Variants in KIAA1217 observed in about 807,000 individuals in gnomAD.
KIAA1217 encodes KIAA1217, also known as sickle tail protein homolog.
Under a neutral mutation model 163.9 loss-of-function variants are expected in KIAA1217, and 88 were observed. That is an observed-to-expected ratio of 0.54 (90% CI 0.45 to 0.64). The LOEUF is 0.64. KIAA1217 is among the 30% of genes least tolerant of loss of function. The pLI is 0.00. For synonymous variants in KIAA1217, 903 were observed against 923.1 expected (o/e 0.98, Z 0.39); for missense variants, 2,372 against 2,475.0 (o/e 0.96, Z 0.88).
chr10:23,698,965 A>T (rs1474398726), intron 1 of KIAA1217, among the ~76,000 whole-genome samples: 1 of 152,184 alleles, frequency 6.6e-6, no homozygotes, highest in African/African-American at 2.4e-5. Flanking sequence ...TTGTAGGCAC[A>T]GCCTCCTGCC....
intron 9 of KIAA1217, among the ~76,000 whole-genome samples, chr10:24,503,714 T>C (rs2067974005): frequency 6.6e-6 from 1 of 152,200 alleles, no homozygotes; most frequent in African/African-American, 2.4e-5. Flanking sequence ...CTGAGTACTC[T>C]GCAGGCCAAA....
At chr10:24,055,384 A>G (rs1446842789) in intron 2 of KIAA1217, among the ~76,000 whole-genome samples, 1 of 152,240 alleles carries the variant, frequency 6.6e-6, no homozygotes, top group Non-Finnish European at 1.5e-5. Context: ...AATTACCATC[A>G]GAATTAAAAT....
At chr10:23,701,146 C>T (rs1247472820) in intron 1 of KIAA1217, among the ~76,000 whole-genome samples, 3 of 152,174 alleles carry the variant, frequency 2.0e-5, no homozygotes, top group African/African-American at 4.8e-5. Context: ...ATTATGGTGT[C>T]ATCTCAGTTC....
chr10:23,749,579 T>A (rs1262331791), intron 1 of KIAA1217, among the ~76,000 whole-genome samples: 1 of 152,210 alleles, frequency 6.6e-6, no homozygotes, highest in African/African-American at 2.4e-5. Context: ...AGCTGATTTT[T>A]GTATTTTTAG....
intron 2 of KIAA1217, among the ~76,000 whole-genome samples, chr10:24,082,456 C>T: frequency 6.6e-6 from 1 of 152,026 alleles, no homozygotes; most frequent in East Asian, 1.9e-4. Flanking sequence ...TTCATGTGTT[C>T]TCGTGTTCAG....
rs568882190 is a variant in KIAA1217, at chr10:23,797,386, C to T, written c.-321+102152C>T. Among the ~76,000 whole-genome samples the T allele has an allele frequency of 2.0e-5, 3 of 152,246 alleles. No homozygotes were observed. The East Asian group carries it at 5.8e-4, about 29-fold the overall frequency. On this transcript the variant is annotated intron_variant, in intron 1 of 18. Coordinates refer to the KIAA1217 transcript ENST00000376462. ...GAGACTGAATTTGTGAGAGAATAAACAACTTGCTCAAGGCCACACAGTCAT... is the reference window on the plus strand; with the variant it reads ...GAGACTGAATTTGTGAGAGAATAAATAACTTGCTCAAGGCCACACAGTCAT...
intron 3 of KIAA1217, among the ~76,000 whole-genome samples, chr10:24,387,941 G>A (rs1438782497): frequency 6.6e-6 from 1 of 152,140 alleles, no homozygotes; most frequent in African/African-American, 2.4e-5. Flanking sequence ...CATGCTCATG[G>A]ATAGGAAGAG....
chr10:23,724,152 A>G (rs1300696986), intron 1 of KIAA1217, among the ~76,000 whole-genome samples: 1 of 152,164 alleles, frequency 6.6e-6, no homozygotes, highest in Non-Finnish European at 1.5e-5. Context: ...TACCTGCATG[A>G]TCCAATCACT....
intron 2 of KIAA1217, among the ~76,000 whole-genome samples, chr10:24,080,323 G>A (rs1199940579): frequency 6.6e-6 from 1 of 152,100 alleles, no homozygotes; most frequent in East Asian, 1.9e-4. Context: ...GGCATTCCTG[G>A]GTCAGTGTTT....
chr10:23,831,142 C>T (rs1838171507), intron 1 of KIAA1217, among the ~76,000 whole-genome samples: 1 of 152,026 alleles, frequency 6.6e-6, no homozygotes, highest in Non-Finnish European at 1.5e-5. Flanking sequence ...TCGTGCTACA[C>T]ACAAAAATCA....
At chr10:23,804,506 G>C (rs1836643478) in intron 1 of KIAA1217, among the ~76,000 whole-genome samples, 1 of 152,168 alleles carries the variant, frequency 6.6e-6, no homozygotes, top group South Asian at 2.1e-4. Flanking sequence ...ATAAATGTTG[G>C]ACTTTCACTT....
rs575283020 is a variant in KIAA1217, at chr10:24,143,814, T to TAA, written c.-170-75799_-170-75798dup. Among the ~76,000 whole-genome samples, 11 of 127,962 alleles carry TAA rather than the reference T, an allele frequency of 8.6e-5. No individual in the cohort carries two copies. The East Asian group carries it at 1.5e-3, about 18-fold the overall frequency. 83.9% of individuals were successfully genotyped at this position (127,962 alleles called of 152,430 possible). A position where few individuals can be genotyped will look rare whatever the true frequency, so the allele number is the denominator to read the frequency against. Reference sequence around the variant, plus strand: ...CTTTTGACTGGGGCTCATTCCTGATTAAAAAAAAAAAAAACAAAAACAAAA... The same window carrying TAA: ...CTTTTGACTGGGGCTCATTCCTGATTAAAAAAAAAAAAAAAACAAAAACAAAA... On this transcript the variant is annotated intron_variant, in intron 2 of 18. Transcript: ENST00000376462.
intron 2 of KIAA1217, among the ~76,000 whole-genome samples, chr10:24,354,963 C>T (rs1196928928): frequency 6.6e-6 from 1 of 152,198 alleles, no homozygotes; most frequent in Admixed American, 6.5e-5. Context: ...GCCTCCTGTC[C>T]ATGTCATTTG....
rs571694608 is a variant in KIAA1217, at chr10:24,324,636, C to A, written c.355-56233C>A. On this transcript the variant is annotated intron_variant, in intron 2 of 20. Coordinates refer to ENST00000376454, the MANE Select transcript of KIAA1217 (RefSeq NM_019590.5). Reference sequence around the variant, plus strand: ...CAAAGAAACTATGGATAAATTGACCCAGGGTGAGAGTATTAGTAAGGACTC... The same window carrying A: ...CAAAGAAACTATGGATAAATTGACCAAGGGTGAGAGTATTAGTAAGGACTC... 7.2e-5 allele frequency among the ~76,000 whole-genome samples: 11 copies of A among 152,210 alleles called. No individual in the cohort carries two copies. In the South Asian group the frequency reaches 2.3e-3, roughly 32 times the overall value.
chr10:24,446,837 C>T (rs2060974443), intron 5 of KIAA1217, among the ~76,000 whole-genome samples: 1 of 152,188 alleles, frequency 6.6e-6, no homozygotes, highest in Non-Finnish European at 1.5e-5. Context: ...GGTCAGTGTG[C>T]TTGCTCAAAG....
chr10:24,131,605 A>T (rs1388048668), intron 2 of KIAA1217, among the ~76,000 whole-genome samples: 4 of 152,208 alleles, frequency 2.6e-5, no homozygotes, highest in Non-Finnish European at 5.9e-5. Context: ...TTTATATCCC[A>T]TAACAATTTT....
chr10:24,163,697 GGAA>G (rs1283590086), intron 2 of KIAA1217, among the ~76,000 whole-genome samples: 3 of 152,180 alleles, frequency 2.0e-5, no homozygotes, highest in Non-Finnish European at 4.4e-5. Context: ...AACCACATTA[GGAA>G]GGTATTAGGC....
At chr10:24,086,534 T>C (rs2061703750) in intron 2 of KIAA1217, among the ~76,000 whole-genome samples, 1 of 152,228 alleles carries the variant, frequency 6.6e-6, no homozygotes, top group Admixed American at 6.5e-5. Context: ...CTGAATCTTA[T>C]CAAGGATGCA....
At chr10:24,387,663 T>C (rs564399754) in intron 3 of KIAA1217, among the ~76,000 whole-genome samples, 3 of 152,224 alleles carry the variant, frequency 2.0e-5, no homozygotes, top group Non-Finnish European at 4.4e-5. Context: ...CCCCGTTGTC[T>C]CAGCCCAAAA....
Sources: allele counts gnomAD v4.1 joint callset (sites outside exome capture counted in the v4.1 genomes callset), GRCh38; gene constraint gnomAD v4.1.1; transcripts MANE v1.5; gene names NCBI Gene and HGNC (gene_info 2026-07-23, HGNC 2026-07-21).